The following KCNIP4 variants were observed in gnomAD, a reference collection of about 807,000 sequenced individuals.
KCNIP4 encodes the protein potassium voltage-gated channel interacting protein 4.
A neutral mutation model predicts 34.0 loss-of-function variants in KCNIP4; 12 were observed. That is an observed-to-expected ratio of 0.35 (90% CI 0.23 to 0.57). KCNIP4 has a LOEUF of 0.57. KCNIP4 is among the 20% of genes least tolerant of loss of function. The probability of loss-of-function intolerance (pLI) is 0.83; values close to 1 mark genes in which losing one functional copy is unlikely to be tolerated. For synonymous variants in KCNIP4, 124 were observed against 102.2 expected (o/e 1.21, Z -1.29); for missense variants, 238 against 311.7 (o/e 0.76, Z 1.78).
At chr4:21,776,180 AG>A (rs903553898) in intron 1 of KCNIP4, among the ~76,000 whole-genome samples, 1 of 152,124 alleles carries the variant, frequency 6.6e-6, no homozygotes, top group Non-Finnish European at 1.5e-5. Flanking sequence ...GGCTGGGGAG[AG>A]GGGGTTCCCC....
chr4:21,817,017 G>C (rs1722029524), intron 1 of KCNIP4, among the ~76,000 whole-genome samples: 1 of 152,124 alleles, frequency 6.6e-6, no homozygotes, highest in South Asian at 2.1e-4. Flanking sequence ...GTATGTGCTT[G>C]ACAGATGTGA....
intron 1 of KCNIP4, among the ~76,000 whole-genome samples, chr4:21,603,304 G>C (rs959094855): frequency 3.9e-5 from 6 of 152,038 alleles, no homozygotes; most frequent in African/African-American, 1.4e-4. Context: ...AGAGATCATA[G>C]AGATCACTAA....
chr4:21,466,393 T>G (rs1453348707), intron 1 of KCNIP4, among the ~76,000 whole-genome samples: 1 of 152,206 alleles, frequency 6.6e-6, no homozygotes, highest in East Asian at 1.9e-4. Context: ...GATCATTAAC[T>G]TCATTCTGAT....
intron 1 of KCNIP4, among the ~76,000 whole-genome samples, chr4:21,934,008 G>A (rs960315441): frequency 1.3e-5 from 2 of 152,062 alleles, no homozygotes; most frequent in African/African-American, 4.8e-5. Flanking sequence ...TATTCTGGCA[G>A]GACAGAGGAT....
chr4:21,637,558 G>C (rs1305538192), intron 1 of KCNIP4, among the ~76,000 whole-genome samples: 1 of 150,102 alleles, frequency 6.7e-6, no homozygotes, highest in Non-Finnish European at 1.5e-5. Flanking sequence ...TGAGGCGGGT[G>C]GATGGCTTGC....
chr4:20,839,673 T>C (rs1476231949), intron 3 of KCNIP4, among the ~76,000 whole-genome samples: 1 of 152,058 alleles, frequency 6.6e-6, no homozygotes, highest in Non-Finnish European at 1.5e-5. Flanking sequence ...ATAATGATAA[T>C]AGCAATAACA....
chr4:20,887,680 T>C (rs1046013119), intron 1 of KCNIP4, among the ~76,000 whole-genome samples: 2 of 152,096 alleles, frequency 1.3e-5, no homozygotes, highest in African/African-American at 4.8e-5. Context: ...AAGATACTTT[T>C]AGATAAAATA....
intron 1 of KCNIP4, among the ~76,000 whole-genome samples, chr4:21,140,002 A>T (rs1018399796): frequency 1.3e-5 from 2 of 152,168 alleles, no homozygotes; most frequent in Non-Finnish European, 1.5e-5. Context: ...AAGTTACAGG[A>T]TAGATGTCCC....
chr4:20,903,088 G>A (rs577074518), intron 1 of KCNIP4, among the ~76,000 whole-genome samples: 6 of 152,068 alleles, frequency 3.9e-5, no homozygotes, highest in Admixed American at 1.3e-4. Context: ...GGCCTATACC[G>A]GGATGCTGTT....
At chr4:21,892,900 A>G (rs1036643116) in intron 1 of KCNIP4, among the ~76,000 whole-genome samples, 1 of 152,174 alleles carries the variant, frequency 6.6e-6, no homozygotes, top group African/African-American at 2.4e-5. Context: ...GTGCATCTCT[A>G]TTTTCAGCAG....
intron 1 of KCNIP4, among the ~76,000 whole-genome samples, chr4:21,709,039 G>A (rs1398148635): frequency 6.6e-6 from 1 of 151,900 alleles, no homozygotes; most frequent in Admixed American, 6.6e-5. Flanking sequence ...ATAAATATGA[G>A]TAAGCTGAAC....
At chr4:21,441,188 C>A (rs926847804) in intron 1 of KCNIP4, among the ~76,000 whole-genome samples, 2 of 149,978 alleles carry the variant, frequency 1.3e-5, no homozygotes, top group African/African-American at 4.9e-5. Context: ...GTTGCCCAGG[C>A]TGGAGTTCAG....
intron 1 of KCNIP4, among the ~76,000 whole-genome samples, chr4:21,669,242 AG>A (rs1749275872): frequency 6.7e-6 from 1 of 148,956 alleles, no homozygotes; most frequent in Non-Finnish European, 1.5e-5. Context: ...CCTCCTTCCC[AG>A]CCTCCTGTGT....
chr4:20,911,502 G>A (rs1285662086), intron 1 of KCNIP4, among the ~76,000 whole-genome samples: 1 of 152,150 alleles, frequency 6.6e-6, no homozygotes, highest in East Asian at 1.9e-4. Flanking sequence ...ATATACAAAG[G>A]AGAAAAGGGT....
chr4:20,945,864 G>A (rs1732141150), intron 1 of KCNIP4, among the ~76,000 whole-genome samples: 2 of 152,180 alleles, frequency 1.3e-5, no homozygotes. Flanking sequence ...CACGTAACAG[G>A]TTAGAGGTGA....
At chr4:21,424,597 A>G (rs375769933) in intron 1 of KCNIP4, among the ~76,000 whole-genome samples, 5 of 145,318 alleles carry the variant, frequency 3.4e-5, no homozygotes, top group Non-Finnish European at 6.2e-5. Flanking sequence ...GAAAGAAAGA[A>G]AGAGAGAAAA....
At chr4:20,802,407 T>C (rs906000695) in intron 3 of KCNIP4, among the ~76,000 whole-genome samples, 8 of 151,588 alleles carry the variant, frequency 5.3e-5, no homozygotes, top group Non-Finnish European at 7.4e-5. Context: ...ACAATAATAG[T>C]AGGGAACTTT....
intron 1 of KCNIP4, among the ~76,000 whole-genome samples, chr4:21,060,191 G>A (rs1743790602): frequency 6.6e-6 from 1 of 152,094 alleles, no homozygotes; most frequent in African/African-American, 2.4e-5. Flanking sequence ...TTGGCTAAAT[G>A]CATTCCCAGA....
At chr4:21,800,648 A>G (rs1379593446) in intron 1 of KCNIP4, among the ~76,000 whole-genome samples, 2 of 152,182 alleles carry the variant, frequency 1.3e-5, no homozygotes, top group Non-Finnish European at 2.9e-5. Context: ...TTCTACTTTC[A>G]TCATCATTCA....
Sources: gnomAD v4.1 joint callset for allele counts (sites outside exome capture counted in the v4.1 genomes callset) on GRCh38, gnomAD v4.1.1 for gene constraint, MANE v1.5 for transcripts, NCBI Gene and HGNC (gene_info 2026-07-23, HGNC 2026-07-21) for gene names.